The following ARHGAP24 variants were observed in gnomAD, a reference collection of about 807,000 sequenced individuals.
The protein encoded by ARHGAP24 is rho GTPase-activating protein 24.
Under a neutral mutation model 76.4 loss-of-function variants are expected in ARHGAP24, and 50 were observed. That is an observed-to-expected ratio of 0.65 (90% CI 0.52 to 0.83). The LOEUF (loss-of-function observed/expected upper bound fraction) is 0.83, where lower values mean the gene tolerates loss of function less well. Ranked by LOEUF, ARHGAP24 falls within the 40% of genes least tolerant of loss-of-function variation. The pLI is 0.00. For missense variants in ARHGAP24, 930 were observed against 914.2 expected, an observed-to-expected ratio of 1.02 and a Z score of -0.22; for synonymous variants, 345 against 323.3, an observed-to-expected ratio of 1.07 and a Z score of -0.72.
intron 8 of ARHGAP24, among the ~76,000 whole-genome samples, chr4:85,981,724 TC>T (rs1442306852): frequency 6.6e-6 from 1 of 152,080 alleles, no homozygotes; most frequent in African/African-American, 2.4e-5. Context: ...CTTAGCAGTA[TC>T]CCCTCCATGC....
At chr4:85,481,101 C>T (rs1225769142) in intron 1 of ARHGAP24, among the ~76,000 whole-genome samples, 1 of 152,106 alleles carries the variant, frequency 6.6e-6, no homozygotes, top group East Asian at 1.9e-4. Flanking sequence ...AGTACTTCTT[C>T]TACGTACCAA....
chr4:85,646,145 G>A (rs998032687), intron 2 of ARHGAP24, among the ~76,000 whole-genome samples: 2 of 151,940 alleles, frequency 1.3e-5, no homozygotes, highest in African/African-American at 4.8e-5. Flanking sequence ...TCATTGATTA[G>A]TATTTCTTGA....
chr4:85,762,891 G>T (rs1185531420), intron 3 of ARHGAP24, among the ~76,000 whole-genome samples: 5 of 152,052 alleles, frequency 3.3e-5, no homozygotes, highest in African/African-American at 4.8e-5. Context: ...TTTAACAAAA[G>T]AAAAACAAGA....
intron 3 of ARHGAP24, among the ~76,000 whole-genome samples, chr4:85,874,944 AT>A (rs375857163): frequency 6.5e-4 from 4 of 6,182 alleles, no homozygotes; most frequent in Admixed American, 1.8e-3. Flanking sequence ...TATATAATAT[AT>A]TTTTATATAA....
chr4:85,858,945 G>GA (rs34696028), intron 3 of ARHGAP24, among the ~76,000 whole-genome samples: 51,130 of 149,466 alleles, frequency 0.34, 9,759 homozygotes, highest in Non-Finnish European at 0.45. Flanking sequence ...ATGGTACTCA[G>GA]AAAAAAAAAA....
At chr4:85,626,424 T>G (rs1439243715) in intron 2 of ARHGAP24, among the ~76,000 whole-genome samples, 2 of 152,214 alleles carry the variant, frequency 1.3e-5, no homozygotes, top group Non-Finnish European at 2.9e-5. Flanking sequence ...CTGATAGAGT[T>G]TCTGTCGAGA....
At chr4:85,886,191 A>G (rs1225465472) in intron 3 of ARHGAP24, among the ~76,000 whole-genome samples, 1 of 152,154 alleles carries the variant, frequency 6.6e-6, no homozygotes, top group African/African-American at 2.4e-5. Context: ...AAGTTTAATG[A>G]TTGTCAATGA....
intron 3 of ARHGAP24, among the ~76,000 whole-genome samples, chr4:85,875,566 T>TTATATAA (rs1387803704): frequency 1.1e-5 from 1 of 94,932 alleles, no homozygotes; most frequent in Non-Finnish European, 1.9e-5. Flanking sequence ...TATTTTTATA[T>TTATATAA]TATATAATAT....
chr4:85,533,613 C>T (rs1725354610), intron 1 of ARHGAP24, among the ~76,000 whole-genome samples: 1 of 152,038 alleles, frequency 6.6e-6, no homozygotes, highest in African/African-American at 2.4e-5. Flanking sequence ...TATTCTCCCT[C>T]ACAGCTTGCA....
Position 85,724,729 on chromosome 4 carries a change from A to C in ARHGAP24, c.268+2757A>C, listed in dbSNP as rs559737422. On this transcript the variant is annotated intron_variant, in intron 3 of 9. Transcript: ENST00000395184. ...TTTGTAAAAACCTATCTGAAAATAA[A>C]TCTACCATGTTTTAGGGTTGATTTC... is the stretch of plus-strand genomic sequence containing the variant. 7.2e-5 allele frequency among the ~76,000 whole-genome samples: 11 copies of C among 152,228 alleles called. No homozygotes were observed. In the South Asian group the frequency reaches 2.3e-3, roughly 32 times the overall value.
intron 1 of ARHGAP24, among the ~76,000 whole-genome samples, chr4:85,489,125 T>C (rs1723262222): frequency 6.6e-6 from 1 of 152,238 alleles, no homozygotes; most frequent in Non-Finnish European, 1.5e-5. Context: ...TATTTTATGA[T>C]CTTCATGTGC....
At chr4:85,508,783 A>G (rs1284609427) in intron 1 of ARHGAP24, among the ~76,000 whole-genome samples, 1 of 152,076 alleles carries the variant, frequency 6.6e-6, no homozygotes, top group Non-Finnish European at 1.5e-5. Flanking sequence ...CTGTGACTTG[A>G]CAACCAAACT....
chr4:85,721,721 A>G (rs530311092), intron 2 of ARHGAP24, among the ~76,000 whole-genome samples, 164 bp from the exon 3 acceptor site: 83 of 152,304 alleles, frequency 5.4e-4, no homozygotes, highest in Non-Finnish European at 1.0e-3. Flanking sequence ...TTGAGTGAAC[A>G]TGATTCTGGC....
chr4:85,656,215 C>T (rs1367181940), intron 2 of ARHGAP24, among the ~76,000 whole-genome samples: 1 of 152,066 alleles, frequency 6.6e-6, no homozygotes, highest in Non-Finnish European at 1.5e-5. Flanking sequence ...TATTTAAAAA[C>T]ACTGGCTTCT....
intron 2 of ARHGAP24, among the ~76,000 whole-genome samples, chr4:85,712,440 TG>T (rs1724563551): frequency 6.6e-6 from 1 of 152,214 alleles, no homozygotes; most frequent in Admixed American, 6.6e-5. Context: ...CCACCTTTTT[TG>T]TATTAGTTTC....
chr4:85,946,634 A>G (rs575701766), intron 5 of ARHGAP24, among the ~76,000 whole-genome samples: 1 of 152,290 alleles, frequency 6.6e-6, no homozygotes, highest in Admixed American at 6.5e-5. Context: ...TTCCAGCTGC[A>G]TCTATGTTGC....
chr4:85,795,009 G>C (rs1211035125), intron 3 of ARHGAP24, among the ~76,000 whole-genome samples: 1 of 152,152 alleles, frequency 6.6e-6, no homozygotes, highest in African/African-American at 2.4e-5. Flanking sequence ...CTGGGGAAAA[G>C]GAATAATGTT....
intron 3 of ARHGAP24, among the ~76,000 whole-genome samples, chr4:85,827,544 A>C (rs1729783599): frequency 6.7e-6 from 1 of 149,784 alleles, no homozygotes. Flanking sequence ...ATTATTGCTT[A>C]AACAGTGCCC....
At chr4:85,514,485 CATTTTGTAT>C (rs1221314685) in intron 1 of ARHGAP24, among the ~76,000 whole-genome samples, 1 of 152,114 alleles carries the variant, frequency 6.6e-6, no homozygotes, top group Non-Finnish European at 1.5e-5. Context: ...ACATTGCTTA[CATTTTGTAT>C]ATTTAATAAA....
Sources: gnomAD v4.1 joint callset for allele counts (sites outside exome capture counted in the v4.1 genomes callset) on GRCh38, gnomAD v4.1.1 for gene constraint, MANE v1.5 for transcripts, NCBI Gene and HGNC (gene_info 2026-07-23, HGNC 2026-07-21) for gene names.